CCNY: variants seen among roughly 807,000 people sequenced by gnomAD.
CCNY encodes the protein cyclin Y.
CCNY carries 19 observed loss-of-function variants against 42.8 expected under a neutral mutation model. The observed-to-expected ratio is 0.44, with a 90% CI of 0.31 to 0.65. The LOEUF is 0.65. Among genes scored for constraint, CCNY ranks in the 30% least tolerant of loss-of-function variants. CCNY has a pLI of 0.07. For missense variants in CCNY, 370 were observed against 437.3 expected (o/e 0.85, Z 1.37); for synonymous variants, 165 against 162.7 (o/e 1.01, Z -0.11).
At chr10:35,261,383 G>A (rs898817193) in intron 3 of CCNY, among the ~76,000 whole-genome samples, 27 of 151,560 alleles carry the variant, frequency 1.8e-4, no homozygotes, top group Admixed American at 1.2e-3. Context: ...GATTACAGGC[G>A]TATGCTAACA....
At chr10:35,568,958 C>CTGAAGAATAT in intron 9 of CCNY, 96 bp from the exon 10 acceptor site, 1 of 784,426 alleles carries the variant, frequency 1.3e-6, no homozygotes, top group Non-Finnish European at 2.2e-6. Context: ...AGGGGCTCTG[C>CTGAAGAATAT]CTGTCCCTCA....
At chr10:35,325,609 C>T (rs1219300072) in intron 3 of CCNY, among the ~76,000 whole-genome samples, 1 of 151,540 alleles carries the variant, frequency 6.6e-6, no homozygotes, top group African/African-American at 2.4e-5. Flanking sequence ...GCTGGGATTA[C>T]AGGCATGCGC....
Position 35,570,389 on chromosome 10 carries a change from CTG to C in CCNY, c.*1222_*1223del, listed in dbSNP as rs1207312339. The C allele has an allele frequency of 6.6e-6, 1 of 152,362 alleles. No homozygotes were observed. The highest frequency in any genetic ancestry group is 1.5e-5 in the Non-Finnish European group (1 of 68,016). 9.4% of individuals were successfully genotyped at this position (152,362 alleles called of 1,614,324 possible). On this transcript the variant is annotated 3_prime_UTR_variant, in exon 10 of 10. Coordinates refer to ENST00000374704, the MANE Select transcript of CCNY (RefSeq NM_145012.6). ...TTAGAGAAGTTCTACAAAATTCAAA[CTG>C]TGAAGGTTTATGCTTCATTAATTAT...
chr10:35,327,140 T>A (rs1835889575), intron 3 of CCNY, among the ~76,000 whole-genome samples: 1 of 152,134 alleles, frequency 6.6e-6, no homozygotes, highest in Non-Finnish European at 1.5e-5. Flanking sequence ...ATTATTTCTT[T>A]TAAAAAAGAT....
At chr10:35,419,925 T>A (rs79186820) in intron 1 of CCNY, among the ~76,000 whole-genome samples, 1 of 123,458 alleles carries the variant, frequency 8.1e-6, no homozygotes, top group African/African-American at 3.6e-5. Context: ...TGGCTGTAAT[T>A]TTTTTTTTTT....
chr10:35,565,247 A>C (rs1208588107), intron 8 of CCNY, among the ~76,000 whole-genome samples: 1 of 152,140 alleles, frequency 6.6e-6, no homozygotes, highest in South Asian at 2.1e-4. Flanking sequence ...CTCCCAACCT[A>C]CCTTTTTAGT....
At chr10:35,398,171 G>T (rs981954609) in intron 1 of CCNY, among the ~76,000 whole-genome samples, 2 of 152,200 alleles carry the variant, frequency 1.3e-5, no homozygotes, top group Non-Finnish European at 2.9e-5. Context: ...CCCGTCTGCT[G>T]CATGAGAGCC....
rs543737666 is a variant in CCNY at position 35,550,853 on chromosome 10, T to C, written c.580-2166T>C. Among the ~76,000 whole-genome samples the C allele has an allele frequency of 1.4e-4, 21 of 152,082 alleles. No individual in the cohort carries two copies. The South Asian group carries it at 3.3e-3, about 24-fold the overall frequency. On this transcript the variant is annotated intron_variant, in intron 7 of 9. Coordinates refer to ENST00000374704, the MANE Select transcript of CCNY (RefSeq NM_145012.6). ...GCCCTCCAGTCTCAGGACCAGCCCCTCCTTTTCTTAGTTCTTAAGCCTCCC... is the reference window on the plus strand; with the variant it reads ...GCCCTCCAGTCTCAGGACCAGCCCCCCCTTTTCTTAGTTCTTAAGCCTCCC...
chr10:35,297,303 A>G (rs1221860837), intron 3 of CCNY, among the ~76,000 whole-genome samples: 3 of 152,200 alleles, frequency 2.0e-5, no homozygotes, highest in Non-Finnish European at 2.9e-5. Flanking sequence ...AAAATTCAAC[A>G]TCGCTTCATG....
chr10:35,287,795 T>C (rs550663497), intron 3 of CCNY, among the ~76,000 whole-genome samples: 10 of 152,176 alleles, frequency 6.6e-5, no homozygotes, highest in Non-Finnish European at 1.3e-4. Flanking sequence ...AAAACTGATA[T>C]AGACATTCAT....
Position 35,569,209 on chromosome 10 carries a change from TC to T in CCNY, c.*40del. On this transcript the variant is annotated 3_prime_UTR_variant, in exon 10 of 10. Coordinates refer to ENST00000374704, the MANE Select transcript of CCNY (RefSeq NM_145012.6). ...CCGGAGGCCACACCATCCCTTAGTTTCTCCTTTAGTTTGAGAAAAGACAGAC... is the reference window on the plus strand; with the variant it reads ...CCGGAGGCCACACCATCCCTTAGTTTTCCTTTAGTTTGAGAAAAGACAGAC... The T allele has an allele frequency of 8.2e-7, 1 of 1,212,870 alleles. No individual in the cohort carries two copies. The highest frequency in any genetic ancestry group is 1.2e-6 in the Non-Finnish European group (1 of 821,150). The allele number at this position is 1,212,870 out of a possible 1,614,324, so 75.1% of individuals were successfully genotyped here.
chr10:35,312,080 T>C (rs1345484486), intron 3 of CCNY, among the ~76,000 whole-genome samples: 1 of 151,998 alleles, frequency 6.6e-6, no homozygotes, highest in Non-Finnish European at 1.5e-5. Flanking sequence ...TAAAGCTATG[T>C]AAGATAATTC....
chr10:35,324,366 G>T (rs2135098578), intron 3 of CCNY, among the ~76,000 whole-genome samples: 1 of 152,310 alleles, frequency 6.6e-6, no homozygotes, highest in South Asian at 2.1e-4. Flanking sequence ...GCATGAATGA[G>T]CAATGCTAAT....
chr10:35,430,019 A>G (rs973800528), intron 1 of CCNY, among the ~76,000 whole-genome samples: 6 of 152,058 alleles, frequency 3.9e-5, no homozygotes, highest in African/African-American at 9.7e-5. Flanking sequence ...GTCCCTCCTT[A>G]TCTCAGTTTC....
chr10:35,444,066 T>C (rs1247861676), intron 1 of CCNY, among the ~76,000 whole-genome samples: 1 of 152,166 alleles, frequency 6.6e-6, no homozygotes, highest in Non-Finnish European at 1.5e-5. Flanking sequence ...AAATTAGCCT[T>C]GCTGAGAGAT....
intron 9 of CCNY, 58 bp from the exon 10 acceptor site, chr10:35,568,996 T>C (rs1382623232): frequency 1.7e-6 from 2 of 1,145,026 alleles, no homozygotes; most frequent in Non-Finnish European, 2.6e-6. Context: ...CCAGGACGAG[T>C]GAGCAATGGA....
intron 1 of CCNY, among the ~76,000 whole-genome samples, chr10:35,346,634 G>A (rs1708082803): frequency 6.6e-6 from 1 of 152,076 alleles, no homozygotes; most frequent in South Asian, 2.1e-4. Context: ...TATACATTAG[G>A]TTTTACTGTT....
chr10:35,488,473 C>A (rs552839938), intron 2 of CCNY, among the ~76,000 whole-genome samples: 1 of 152,282 alleles, frequency 6.6e-6, no homozygotes, highest in Non-Finnish European at 1.5e-5. Context: ...CTGTCTTTGG[C>A]TCGTTCGTGT....
rs932792255 is a variant in CCNY at position 35,418,291 on chromosome 10, G to A, written c.155-65113G>A. On this transcript the variant is annotated intron_variant, in intron 1 of 9. Coordinates refer to ENST00000374704, the MANE Select transcript of CCNY (RefSeq NM_145012.6). ...TGTGTAGCTGTGTCTGCCTGTAGCC[G>A]GGGGTGGAGGAATGAAAAGGCTGAG... Among the ~76,000 whole-genome samples the A allele has an allele frequency of 2.6e-5, 4 of 152,132 alleles. No individual in the cohort carries two copies. The East Asian group carries it at 5.8e-4, about 22-fold the overall frequency.
Sources: gnomAD v4.1 joint callset for allele counts (sites outside exome capture counted in the v4.1 genomes callset) on GRCh38, gnomAD v4.1.1 for gene constraint, MANE v1.5 for transcripts, NCBI Gene and HGNC (gene_info 2026-07-23, HGNC 2026-07-21) for gene names.